The following PRKACB variants were observed in gnomAD, a reference collection of about 807,000 sequenced individuals.
PRKACB encodes the protein protein kinase cAMP-activated catalytic subunit beta.
PRKACB carries 16 observed loss-of-function variants against 51.4 expected under a neutral mutation model. The ratio of observed to expected loss-of-function variants is 0.31; its 90% CI spans 0.21 to 0.47. The LOEUF (loss-of-function observed/expected upper bound fraction) is 0.47, where lower values mean the gene tolerates loss of function less well. Ranked by LOEUF, PRKACB falls within the 20% of genes least tolerant of loss-of-function variation. PRKACB has a pLI of 1.00. For missense variants in PRKACB, 309 were observed against 464.5 expected, an observed-to-expected ratio of 0.67 and a Z score of 3.08; for synonymous variants, 147 against 154.4, an observed-to-expected ratio of 0.95 and a Z score of 0.35.
upstream of PRKACB, among the ~76,000 whole-genome samples, chr1:84,140,136 C>T (rs1436659686): frequency 6.6e-6 from 1 of 152,100 alleles, no homozygotes; most frequent in Non-Finnish European, 1.5e-5. Flanking sequence ...GTAATCAAGA[C>T]AGTATAGTAT....
intron 1 of PRKACB, among the ~76,000 whole-genome samples, chr1:84,172,466 G>T (rs2100836062): frequency 6.6e-6 from 1 of 151,710 alleles, no homozygotes; most frequent in African/African-American, 2.4e-5. Context: ...AACATGGCAT[G>T]GATGGCCTAC....
intron 7 of PRKACB, among the ~76,000 whole-genome samples, chr1:84,198,914 GGT>G (rs1286267658): frequency 5.5e-5 from 8 of 145,470 alleles, no homozygotes; most frequent in Admixed American, 1.4e-4. Flanking sequence ...ACATATGTGT[GGT>G]GTGTGTGTAT....
chr1:84,231,264 A>T (rs1167929168), intron 9 of PRKACB, among the ~76,000 whole-genome samples: 3 of 152,176 alleles, frequency 2.0e-5, no homozygotes. Context: ...CATCCCAGGG[A>T]TGAAGCCCAC....
intron 1 of PRKACB, among the ~76,000 whole-genome samples, chr1:84,126,155 T>C (rs1268540833): frequency 1.3e-5 from 2 of 152,100 alleles, no homozygotes; most frequent in African/African-American, 4.8e-5. Flanking sequence ...CTCATTTAGC[T>C]TTGCCATCCA....
At chr1:84,126,697 G>A (rs1259586570) in intron 1 of PRKACB, among the ~76,000 whole-genome samples, 1 of 152,092 alleles carries the variant, frequency 6.6e-6, no homozygotes, top group East Asian at 1.9e-4. Flanking sequence ...GTATTTCCCC[G>A]CCTCCTGTCT....
intron 1 of PRKACB, among the ~76,000 whole-genome samples, chr1:84,108,836 C>T (rs1649990833): frequency 6.6e-6 from 1 of 151,960 alleles, no homozygotes; most frequent in South Asian, 2.1e-4. Context: ...TTTGGATAAT[C>T]TTCTGTAAGG....
intron 1 of PRKACB, among the ~76,000 whole-genome samples, chr1:84,080,059 A>G (rs560192232): frequency 2.1e-4 from 32 of 152,226 alleles, no homozygotes; most frequent in Non-Finnish European, 3.8e-4. Flanking sequence ...TTTACCTGAT[A>G]TGTTGTCATT....
chr1:84,085,666 A>T (rs530596221), intron 1 of PRKACB: 54 of 172,534 alleles, frequency 3.1e-4, no homozygotes, highest in African/African-American at 1.3e-3. Context: ...TTAAGGAATG[A>T]TAGTAAAGGA....
chr1:84,153,250 TATAATA>T (rs541318047), intron 1 of PRKACB, among the ~76,000 whole-genome samples: 9 of 151,998 alleles, frequency 5.9e-5, no homozygotes, highest in Non-Finnish European at 1.3e-4. Context: ...CCATAACAGA[TATAATA>T]ATAATGAAAA....
chr1:84,093,658 A>G (rs1648697888), intron 1 of PRKACB, among the ~76,000 whole-genome samples: 1 of 151,938 alleles, frequency 6.6e-6, no homozygotes, highest in Non-Finnish European at 1.5e-5. Context: ...AGGAATCTTG[A>G]GATTGCATTG....
chr1:84,138,798 G>C (rs768494644), intron 1 of PRKACB, among the ~76,000 whole-genome samples: 2 of 152,046 alleles, frequency 1.3e-5, no homozygotes, highest in Non-Finnish European at 2.9e-5. Flanking sequence ...ATATTAGTAA[G>C]TTGAATCCAG....
chr1:84,182,103 T>C, intron 2 of PRKACB, 97 bp from the exon 3 acceptor site: 1 of 922,010 alleles, frequency 1.1e-6, no homozygotes, highest in Non-Finnish European at 1.5e-6. Flanking sequence ...TAGTTATAAA[T>C]GGGATTATCC....
At chr1:84,172,829 T>C (rs1011535063) in intron 1 of PRKACB, among the ~76,000 whole-genome samples, 9 of 151,672 alleles carry the variant, frequency 5.9e-5, no homozygotes, top group African/African-American at 2.2e-4. Flanking sequence ...AGTGTAACTT[T>C]CATTGCCTAT....
At chr1:84,094,653 C>G (rs1571554848) in intron 1 of PRKACB, among the ~76,000 whole-genome samples, 2 of 151,876 alleles carry the variant, frequency 1.3e-5, no homozygotes, top group Non-Finnish European at 2.9e-5. Flanking sequence ...TGTAAATGTT[C>G]CAATGACTTT....
intron 1 of PRKACB, among the ~76,000 whole-genome samples, chr1:84,121,572 G>A (rs1217188869): frequency 6.6e-6 from 1 of 152,120 alleles, no homozygotes; most frequent in African/African-American, 2.4e-5. Context: ...ATAATGGAAA[G>A]TGTGAAGAAG....
intron 1 of PRKACB, among the ~76,000 whole-genome samples, chr1:84,102,175 C>T (rs1649397344): frequency 6.6e-6 from 1 of 151,236 alleles, no homozygotes; most frequent in South Asian, 2.1e-4. Context: ...TCAAGACCAG[C>T]CTGGCCAATG....
chr1:84,090,440 T>C (rs967425781), intron 1 of PRKACB, among the ~76,000 whole-genome samples: 3 of 152,330 alleles, frequency 2.0e-5, no homozygotes, highest in South Asian at 2.1e-4. Context: ...ATTTTACTTA[T>C]GAAAGTAAGT....
chr1:84,117,548 G>A (rs1200165579), intron 1 of PRKACB, among the ~76,000 whole-genome samples: 2 of 151,994 alleles, frequency 1.3e-5, no homozygotes, highest in Non-Finnish European at 2.9e-5. Flanking sequence ...ATGTTTCCAG[G>A]AATTTATCCA....
intron 1 of PRKACB, among the ~76,000 whole-genome samples, chr1:84,094,340 CTTAAA>C (rs879850413): frequency 4.0e-5 from 6 of 151,892 alleles, no homozygotes; most frequent in Admixed American, 6.6e-5. Context: ...AGTTTTGAAT[CTTAAA>C]TTAATATTGC....
Sources: allele counts gnomAD v4.1 joint callset (sites outside exome capture counted in the v4.1 genomes callset), GRCh38; gene constraint gnomAD v4.1.1; transcripts MANE v1.5; gene names NCBI Gene and HGNC (gene_info 2026-07-23, HGNC 2026-07-21).